The following SRCAP variants were observed in gnomAD, a reference collection of about 807,000 sequenced individuals.
SRCAP encodes Snf2 related CREBBP activator protein, also known as chromatin remodeling protein SRCAP.
SRCAP carries 46 observed loss-of-function variants against 263.1 expected under a neutral mutation model. That is an observed-to-expected ratio of 0.17 (90% CI 0.14 to 0.22). SRCAP has a LOEUF of 0.22. Ranked by LOEUF, SRCAP falls within the 10% of genes least tolerant of loss-of-function variation. The probability of loss-of-function intolerance (pLI) is 1.00; values close to 1 mark genes in which losing one functional copy is unlikely to be tolerated. For synonymous variants in SRCAP, 1,813 were observed against 1,662.1 expected (o/e 1.09, Z -2.21); for missense variants, 3,695 against 4,181.9 (o/e 0.88, Z 3.21).
rs1295282772 is a variant in SRCAP at position 30,738,649 on chromosome 16, C to G, written c.8609C>G (p.Pro2870Arg). 1 of 1,611,758 alleles carries G rather than the reference C, an allele frequency of 6.2e-7. No homozygotes were observed. The highest frequency in any genetic ancestry group is 2.2e-5 in the East Asian group (1 of 44,866). ...RGRPPKKNRS[P>R]ADAGRGVDEA... is the part of the protein sequence containing the mutation. ...AGGCCCCCCAAGAAGAACAGGTCTC[C>G]AGCAGATGCTGGGAGAGGTGTGGAT... is the stretch of plus-strand genomic sequence containing the variant. Residue 2870 changes from proline (P) to arginine (R), a missense_variant, in exon 34 of 34, where the codon CCA becomes CGA. This residue lies in a region of SRCAP where 1,207 missense variants were observed against 1,142.9 expected (regional missense o/e 1.06). Coordinates refer to ENST00000262518, the MANE Select transcript of SRCAP (RefSeq NM_006662.3).
In SRCAP at chr16:30,723,886, C is replaced by G; in HGVS notation, c.4462C>G (p.Pro1488Ala). The change falls in exon 25 of 34, where the codon CCT becomes GCT. Residue 1488 changes from proline (P) to alanine (A), a missense_variant. Physicochemically the swap from Pro to Ala is conservative, Grantham distance 27. Transcript: ENST00000262518. Reference protein sequence around the residue: ...PPLAPVVPAAPGPPSLAPSGA... With the variant: ...PPLAPVVPAAAGPPSLAPSGA... ...ATTGGCACCTGTTGTCCCAGCGGCT[C>G]CTGGACCTCCCTCCTTGGCACCATC... is the stretch of plus-strand genomic sequence containing the variant. 6.2e-7 allele frequency: 1 copy of G among 1,614,162 alleles called. No individual in the cohort carries two copies. The highest frequency in any genetic ancestry group is 2.2e-5 in the East Asian group (1 of 44,888).
chr16:30,736,212 G>T lies in SRCAP; in HGVS notation c.6742G>T (p.Ala2248Ser). 1 of 1,614,086 alleles carries T rather than the reference G, an allele frequency of 6.2e-7. No individual in the cohort carries two copies. Among genetic ancestry groups the T allele is most frequent in the Non-Finnish European group, 8.5e-7 (1 of 1,180,040 alleles). The change falls in exon 32 of 34, where the codon GCA becomes TCA. Residue 2248 changes from alanine to serine, a missense_variant. Physicochemically the swap from Ala to Ser is moderately conservative, Grantham distance 99. Transcript: ENST00000262518. ...TACACCCTGGTAGGCATTGTGTCGGGCAGAAGATGAAGAGGATATCCGTGC... is the reference window on the plus strand; with the variant it reads ...TACACCCTGGTAGGCATTGTGTCGGTCAGAAGATGAAGAGGATATCCGTGC... ...THILEQALCRAEDEEDIRAAT... is the reference protein window; with the variant it reads ...THILEQALCRSEDEEDIRAAT...
Position 30,722,618 on chromosome 16 carries a change from T to C in SRCAP, c.3762T>C (p.Pro1254=). 2 of 1,614,146 alleles carry C rather than the reference T, an allele frequency of 1.2e-6. No individual in the cohort carries two copies. The highest frequency in any genetic ancestry group is 2.2e-5 in the East Asian group (1 of 44,864). ...GGCAGCACCATCTCATCAGCCAGCC[T>C]GCCCATGTGGCCCTCATCCAGGCCG... is the stretch of plus-strand genomic sequence containing the variant. The part of the protein sequence containing the change: ...AGGQHHLISQ[P]AHVALIQAVA... Residue 1254 remains proline, a synonymous_variant, in exon 23 of 34, where the codon CCT becomes CCC. Transcript: ENST00000262518.
At chr16:30,701,091 C>T (rs576616357) in intron 3 of SRCAP, among the ~76,000 whole-genome samples, 4 of 152,238 alleles carry the variant, frequency 2.6e-5, no homozygotes, top group Non-Finnish European at 5.9e-5. Context: ...CGCCTCGTTA[C>T]CTGAAAAAGG....
In SRCAP at chr16:30,737,277, C is replaced by T. The variant is rs747402253; in HGVS notation, c.7237C>T (p.Pro2413Ser). ...TGAGACTCAAGGGGCAAACCACACTCCTGTCATATCCGCCCATCAAACTCG... is the reference window on the plus strand; with the variant it reads ...TGAGACTCAAGGGGCAAACCACACTTCTGTCATATCCGCCCATCAAACTCG... ...RAETQGANHT[P>S]VISAHQTRST... The change falls in exon 34 of 34, where the codon CCT becomes TCT. Residue 2413 changes from proline (P) to serine (S), a missense_variant. Transcript: ENST00000262518. 2 of 1,614,072 alleles carry T rather than the reference C, an allele frequency of 1.2e-6. No individual in the cohort carries two copies. Among genetic ancestry groups the T allele is most frequent in the South Asian group, 2.2e-5 (2 of 91,070 alleles).
intron 4 of SRCAP, among the ~76,000 whole-genome samples, chr16:30,706,067 C>T (rs182969076): frequency 6.6e-6 from 1 of 152,302 alleles, no homozygotes; most frequent in Non-Finnish European, 1.5e-5. Context: ...ATATCCACGT[C>T]TTTCTTGATG....
At chr16:30,701,142 G>A (rs1021836413) in intron 3 of SRCAP, among the ~76,000 whole-genome samples, 3 of 152,158 alleles carry the variant, frequency 2.0e-5, no homozygotes, top group African/African-American at 7.2e-5. Flanking sequence ...GTGGCACCAT[G>A]CTTCTAATAC....
At chr16:30,726,645 G>A (rs984216942) in intron 25 of SRCAP, among the ~76,000 whole-genome samples, 2 of 150,560 alleles carry the variant, frequency 1.3e-5, no homozygotes, top group African/African-American at 2.5e-5. Flanking sequence ...AACCTCCCTC[G>A]TAGCTGGGAT....
At chr16:30,706,610 G>A (rs541736360) in intron 4 of SRCAP, among the ~76,000 whole-genome samples, 23 of 152,066 alleles carry the variant, frequency 1.5e-4, no homozygotes, top group Non-Finnish European at 2.2e-4. Context: ...CACGTATAAC[G>A]TTTCAGTATT....
Position 30,739,562 on chromosome 16 carries a change from T to C in SRCAP, c.9522T>C (p.Ala3174=). The C allele has an allele frequency of 5.0e-6, 8 of 1,608,410 alleles. No homozygotes were observed. Among genetic ancestry groups the C allele is most frequent in the Non-Finnish European group, 6.8e-6 (8 of 1,177,638 alleles). Residue 3174 remains alanine (A), a synonymous_variant, in exon 34 of 34, where the codon GCT becomes GCC. Coordinates refer to ENST00000262518, the MANE Select transcript of SRCAP (RefSeq NM_006662.3). Reference sequence around the variant, plus strand: ...AGGGTTCAGTAGAGGAGTCTGAGGCTGAAGCCTCAGGTGAGGAGGAGGAAG... The same window carrying C: ...AGGGTTCAGTAGAGGAGTCTGAGGCCGAAGCCTCAGGTGAGGAGGAGGAAG... ...GPEGSVEESE[A]EASGEEEEGD...
chr16:30,720,729 C>G lies in SRCAP; in HGVS notation c.3004C>G (p.Pro1002Ala), dbSNP rs2053003103. 1.9e-6 allele frequency: 3 copies of G among 1,607,344 alleles called. No homozygotes were observed. Among genetic ancestry groups the G allele is most frequent in the African/African-American group, 2.7e-5 (2 of 74,806 alleles). Residue 1002 changes from proline to alanine, a missense_variant, in exon 20 of 34, where the codon CCT becomes GCT. Pro to Ala is a conservative substitution (Grantham distance 27, BLOSUM62 -1). Coordinates refer to ENST00000262518, the MANE Select transcript of SRCAP (RefSeq NM_006662.3). The stretch of plus-strand genomic sequence containing the variant: ...TTCTCACAGGATGCTGCAGCCAGTA[C>G]CTAAGCAAGAAGGCCGGACAGTGGT... ...MKVNRMLQPV[P>A]KQEGRTVVVV... is the part of the protein sequence containing the mutation.
chr16:30,711,098 A>T lies in SRCAP; in HGVS notation c.1318+10A>T. The T allele has an allele frequency of 6.2e-7, 1 of 1,608,064 alleles. No homozygotes were observed. The highest frequency in any genetic ancestry group is 8.5e-7 in the Non-Finnish European group (1 of 1,176,152). Reference sequence around the variant, plus strand: ...GAGTTGGCTCGAGAAGGTGACATTTACCAGACATTTTACTAAGCATCCACT... The same window carrying T: ...GAGTTGGCTCGAGAAGGTGACATTTTCCAGACATTTTACTAAGCATCCACT... On this transcript the variant is annotated intron_variant, in intron 10 of 33. Coordinates refer to ENST00000262518, the MANE Select transcript of SRCAP (RefSeq NM_006662.3).
intron 27 of SRCAP, among the ~76,000 whole-genome samples, chr16:30,731,487 A>G (rs2053114176): frequency 6.6e-6 from 1 of 152,204 alleles, no homozygotes; most frequent in Non-Finnish European, 1.5e-5. Flanking sequence ...TTTTATTAAT[A>G]TGTGTTCAAT....
In SRCAP at chr16:30,713,669, C is replaced by G. The variant is rs1341949697; in HGVS notation, c.2451C>G (p.Gly817=). The G allele has an allele frequency of 6.2e-7, 1 of 1,613,970 alleles. No individual in the cohort carries two copies. Among genetic ancestry groups the G allele is most frequent in the African/African-American group, 1.3e-5 (1 of 74,884 alleles). Residue 817 remains glycine (G), a synonymous_variant, in exon 16 of 34, where the codon GGC becomes GGG. Coordinates refer to ENST00000262518, the MANE Select transcript of SRCAP (RefSeq NM_006662.3). ...ATCCCCTAACTGGCATGATTGAGGG[C>G]AGCCAAGAGTATAATGAAGGTCTAG... ...FSNPLTGMIE[G]SQEYNEGLVK...
At position 30,710,879 on chromosome 16, in the gene SRCAP, T is replaced by A. The variant is rs764682496; in HGVS notation, c.1228+32T>A. The A allele has an allele frequency of 6.8e-6, 11 of 1,609,840 alleles. No homozygotes were observed. In the African/African-American group the frequency reaches 1.5e-4, roughly 22 times the overall value. On this transcript the variant is annotated intron_variant, in intron 9 of 33. Transcript: ENST00000262518. The stretch of plus-strand genomic sequence containing the variant: ...GCTGTTCGGTTTGTCCTATTGCCCC[T>A]TACCCCTTGAATGAATTGTCTGGAC...
At chr16:30,704,024 G>A in intron 3 of SRCAP, 40 bp from the exon 4 acceptor site, 1 of 1,586,672 alleles carries the variant, frequency 6.3e-7, no homozygotes, top group Non-Finnish European at 8.6e-7. Context: ...TCAGCACAGT[G>A]CGAAGCATTT....
intron 16 of SRCAP, 152 bp downstream of exon 16, chr16:30,713,863 T>C (rs1351260009): frequency 5.7e-5 from 38 of 662,338 alleles, no homozygotes; most frequent in Non-Finnish European, 8.7e-5. Context: ...ACTAACCCAT[T>C]GCCAGATTGA....
At position 30,739,539 on chromosome 16, in the gene SRCAP, G is replaced by A; in HGVS notation, c.9499G>A (p.Gly3167Ser). The A allele has an allele frequency of 6.2e-7, 1 of 1,611,116 alleles. No homozygotes were observed. Among genetic ancestry groups the A allele is most frequent in the Non-Finnish European group, 8.5e-7 (1 of 1,178,726 alleles). Residue 3167 changes from glycine to serine, a missense_variant, in exon 34 of 34, where the codon GGT (glycine) becomes AGT (serine). Gly to Ser is a moderately conservative substitution (Grantham distance 56). Transcript: ENST00000262518. The stretch of plus-strand genomic sequence containing the variant: ...GCCCCCAAGTCCCCTGGGGCCTGAG[G>A]GTTCAGTAGAGGAGTCTGAGGCTGA... ...LQPPSPLGPEGSVEESEAEAS... is the reference protein window; with the variant it reads ...LQPPSPLGPESSVEESEAEAS...
Position 30,704,122 on chromosome 16 carries a change from C to T in SRCAP, c.113C>T (p.Pro38Leu). The T allele has an allele frequency of 1.2e-6, 2 of 1,614,188 alleles. No individual in the cohort carries two copies. The highest frequency in any genetic ancestry group is 1.7e-6 in the Non-Finnish European group (2 of 1,180,028). The stretch of plus-strand genomic sequence containing the variant: ...GTGTCCCCTGCCTCATCCAGTTCCC[C>T]AGCCTCTAGTGGGGCAGGCGGCATC... The part of the protein sequence containing the change: ...NPVSPASSSS[P>L]ASSGAGGISP... The change falls in exon 4 of 34, where the codon CCA becomes CTA. Residue 38 changes from proline to leucine, a missense_variant. Pro to Leu is a moderately conservative substitution (Grantham distance 98). Transcript: ENST00000262518.
Sources: allele counts gnomAD v4.1 joint callset (sites outside exome capture counted in the v4.1 genomes callset), GRCh38; gene constraint gnomAD v4.1.1; regional missense constraint gnomAD v4.1.1; transcripts MANE v1.5; gene names NCBI Gene and HGNC (gene_info 2026-07-23, HGNC 2026-07-21).